The following OTC variants were observed in gnomAD, a reference collection of about 807,000 sequenced individuals.
OTC encodes ornithine transcarbamylase.
A neutral mutation model predicts 30.3 loss-of-function variants in OTC; 3 were observed. The ratio of observed to expected loss-of-function variants is 0.10; its 90% CI spans 0.05 to 0.26. The LOEUF is 0.26. Among genes scored for constraint, OTC ranks in the 10% least tolerant of loss-of-function variants. OTC has a pLI of 1.00. For synonymous variants in OTC, 111 were observed against 99.7 expected (o/e 1.11, Z -0.67); for missense variants, 194 against 260.3 (o/e 0.75, Z 1.75).
Position 38,421,272 on chromosome X carries a change from C to T in OTC, c.*190C>T, listed in dbSNP as rs1363470978. 2 of 418,387 alleles carry T rather than the reference C, an allele frequency of 4.8e-6. No individual in the cohort carries two copies. Among genetic ancestry groups the T allele is most frequent in the East Asian group, 4.1e-5 (1 of 24,400 alleles). The allele number at this position is 418,387 out of a possible 1,213,427, so 34.5% of individuals were successfully genotyped here. ...ATTTAAGTGCTGATGCACTGTAATACGTGCTTAACTTTGCTTAAACTCTCT... is the reference window on the plus strand; with the variant it reads ...ATTTAAGTGCTGATGCACTGTAATATGTGCTTAACTTTGCTTAAACTCTCT... On this transcript the variant is annotated 3_prime_UTR_variant, in exon 10 of 10. Transcript: ENST00000039007.
intron 1 of OTC, among the ~76,000 whole-genome samples, chrX:38,359,504 C>T (rs945330447): frequency 9.1e-6 from 1 of 109,913 alleles, no homozygotes; most frequent in African/African-American, 3.3e-5. Context: ...ACTGCAACCT[C>T]TGCCTCCCAG....
At chrX:38,384,830 C>T (rs918250566) in intron 4 of OTC, among the ~76,000 whole-genome samples, 1 of 111,946 alleles carries the variant, frequency 8.9e-6, no homozygotes, top group Non-Finnish European at 1.9e-5. Context: ...GAAAGAAAAC[C>T]GGGCCAGTCT....
intron 6 of OTC, among the ~76,000 whole-genome samples, chrX:38,405,789 C>G (rs2068513392): frequency 9.0e-6 from 1 of 111,578 alleles, no homozygotes; most frequent in East Asian, 2.8e-4. Flanking sequence ...CTTAAAGCGG[C>G]TTTTATTCAC....
At chrX:38,375,377 C>T (rs1015071413) in intron 3 of OTC, among the ~76,000 whole-genome samples, 7 of 111,836 alleles carry the variant, frequency 6.3e-5, no homozygotes, top group Non-Finnish European at 1.1e-4. Flanking sequence ...TTAAAAGGAT[C>T]CCTCTGACTG....
At chrX:38,347,613 GC>G (rs1183043641), upstream of OTC, among the ~76,000 whole-genome samples, 3 of 112,333 alleles carry the variant, frequency 2.7e-5, no homozygotes, top group Admixed American at 9.4e-5. Flanking sequence ...GCTTCGCACT[GC>G]AGTAATCGCC....
chrX:38,367,472 CT>C (rs766547928), intron 2 of OTC, 43 bp downstream of exon 2: 6 of 1,123,619 alleles, frequency 5.3e-6, no homozygotes, highest in Non-Finnish European at 7.3e-6. Context: ...TACCAGTCCC[CT>C]TTTTTTAAAG....
intron 9 of OTC, among the ~76,000 whole-genome samples, chrX:38,420,729 G>A (rs1171353057): frequency 1.8e-5 from 2 of 110,839 alleles, no homozygotes; most frequent in Non-Finnish European, 3.8e-5. Context: ...AAATTCAGTC[G>A]TGGCTACCAC....
At chrX:38,413,037 C>T (rs769350985) in intron 9 of OTC, among the ~76,000 whole-genome samples, 5 of 111,947 alleles carry the variant, frequency 4.5e-5, no homozygotes, top group East Asian at 5.6e-4. Context: ...TCTCCGAAGA[C>T]GGCTTCCACT....
At chrX:38,329,195 G>C in the OTC span, among the ~76,000 whole-genome samples, 1 of 111,586 alleles carries the variant, frequency 9.0e-6, no homozygotes, top group Non-Finnish European at 1.9e-5. Context: ...AATAGCAGGA[G>C]GGGGGCACCA....
At chrX:38,340,889 C>T in the OTC span, among the ~76,000 whole-genome samples, 2 of 110,161 alleles carry the variant, frequency 1.8e-5, no homozygotes, top group Non-Finnish European at 3.8e-5. Context: ...CTCTGCCTCC[C>T]GGGTTCAAGC....
chrX:38,373,698 GCA>G (rs1358519093), intron 3 of OTC: 1 of 112,258 alleles, frequency 8.9e-6, no homozygotes, highest in African/African-American at 3.2e-5. Flanking sequence ...TAAAAGCCAA[GCA>G]CAGAGAGGTT....
chrX:38,372,664 G>A (rs2068328829), intron 3 of OTC, among the ~76,000 whole-genome samples: 1 of 112,514 alleles, frequency 8.9e-6, no homozygotes, highest in Non-Finnish European at 1.9e-5. Flanking sequence ...AATTGCATAT[G>A]GCATCCTGCC....
chrX:38,393,361 CTG>C (rs1376540511), intron 4 of OTC, among the ~76,000 whole-genome samples: 183 of 112,532 alleles, frequency 1.6e-3, no homozygotes, highest in African/African-American at 5.6e-3. Context: ...GACAACAAAA[CTG>C]GGCACAAAGC....
At chrX:38,356,972 C>T (rs1348028321) in intron 1 of OTC, among the ~76,000 whole-genome samples, 1 of 111,026 alleles carries the variant, frequency 9.0e-6, no homozygotes, top group African/African-American at 3.3e-5. Context: ...TGTGAAAATA[C>T]AGCTCCTTTC....
At chrX:38,358,431 C>T (rs1454200050) in intron 1 of OTC, among the ~76,000 whole-genome samples, 1 of 110,685 alleles carries the variant, frequency 9.0e-6, no homozygotes, top group Non-Finnish European at 1.9e-5. Context: ...AAACTGGGAC[C>T]ATTGTATTTG....
At chrX:38,346,535 C>A in the OTC span, among the ~76,000 whole-genome samples, 1 of 112,419 alleles carries the variant, frequency 8.9e-6, no homozygotes, top group African/African-American at 3.2e-5. Context: ...ACAAACTCCT[C>A]AAGCGGGAAA....
intron 4 of OTC, among the ~76,000 whole-genome samples, chrX:38,386,830 A>T (rs980577635): frequency 2.8e-4 from 32 of 112,366 alleles, no homozygotes; most frequent in African/African-American, 1.0e-3. Flanking sequence ...GAAGTGGGCT[A>T]AATCATATGA....
chrX:38,378,132 G>A (rs754057256), intron 3 of OTC, among the ~76,000 whole-genome samples: 4 of 103,843 alleles, frequency 3.9e-5, no homozygotes, highest in East Asian at 3.0e-4. Flanking sequence ...CACCGCACCC[G>A]GCCTCTTGTT....
intron 3 of OTC, among the ~76,000 whole-genome samples, chrX:38,372,312 G>A (rs1039017563): frequency 4.5e-5 from 5 of 111,667 alleles, no homozygotes; most frequent in African/African-American, 1.6e-4. Flanking sequence ...AGACCATTCA[G>A]GAAAACAGGC....
Sources: gnomAD v4.1 joint callset for allele counts (sites outside exome capture counted in the v4.1 genomes callset) on GRCh38, gnomAD v4.1.1 for gene constraint, MANE v1.5 for transcripts, NCBI Gene and HGNC (gene_info 2026-07-23, HGNC 2026-07-21) for gene names.